The following DENND4A variants were observed in gnomAD, a reference collection of about 807,000 sequenced individuals.
DENND4A encodes C-myc promoter-binding protein.
A neutral mutation model predicts 199.3 loss-of-function variants in DENND4A; 70 were observed. The observed-to-expected ratio is 0.35, with a 90% CI of 0.29 to 0.43. The LOEUF (loss-of-function observed/expected upper bound fraction) is 0.43, where lower values mean the gene tolerates loss of function less well. DENND4A is among the 20% of genes least tolerant of loss of function. The pLI, the probability that DENND4A is intolerant of heterozygous loss-of-function variation, is 1.00. For missense variants in DENND4A, 1,723 were observed against 2,255.8 expected (o/e 0.76, Z 4.78); for synonymous variants, 686 against 766.9 (o/e 0.89, Z 1.74).
At chr15:65,765,364 C>T (rs1168868437) in intron 1 of DENND4A, among the ~76,000 whole-genome samples, 2 of 152,164 alleles carry the variant, frequency 1.3e-5, no homozygotes, top group Non-Finnish European at 2.9e-5. Flanking sequence ...CTTCCTGCAG[C>T]TACATGTGCT....
chr15:65,668,282 C>T (rs895127486), intron 27 of DENND4A, among the ~76,000 whole-genome samples, 159 bp from the exon 28 acceptor site: 3 of 151,328 alleles, frequency 2.0e-5, no homozygotes, highest in African/African-American at 4.9e-5. Context: ...GATCTCAGCT[C>T]ACTGCAACTT....
chr15:65,726,085 T>C (rs1172546526), intron 11 of DENND4A: 1 of 152,162 alleles, frequency 6.6e-6, no homozygotes, highest in African/African-American at 2.4e-5. Flanking sequence ...AGAAAAGAGC[T>C]CAGACCTCAG....
chr15:65,760,995 TAAGTA>T (rs898431040), intron 2 of DENND4A, among the ~76,000 whole-genome samples: 8 of 152,234 alleles, frequency 5.3e-5, no homozygotes, highest in Non-Finnish European at 7.3e-5. Flanking sequence ...CTAGCTATTA[TAAGTA>T]AATATTTGAG....
intron 23 of DENND4A, among the ~76,000 whole-genome samples, chr15:65,688,778 T>C (rs148907424): frequency 3.9e-4 from 59 of 152,346 alleles, no homozygotes; most frequent in Non-Finnish European, 7.5e-4. Flanking sequence ...GGGGCAAAGA[T>C]GCATGAGGAA....
At chr15:65,780,196 T>C (rs1232344118) in intron 1 of DENND4A, among the ~76,000 whole-genome samples, 1 of 152,190 alleles carries the variant, frequency 6.6e-6, no homozygotes, top group Non-Finnish European at 1.5e-5. Context: ...ACCACCCCGC[T>C]AGGCCCATTC....
At chr15:65,768,063 G>T (rs973953838) in intron 1 of DENND4A, among the ~76,000 whole-genome samples, 1 of 152,182 alleles carries the variant, frequency 6.6e-6, no homozygotes, top group South Asian at 2.1e-4. Context: ...AATCAGTGTG[G>T]AGTGTAGTGG....
intron 23 of DENND4A, among the ~76,000 whole-genome samples, chr15:65,690,059 C>A (rs944369018): frequency 1.3e-5 from 2 of 152,148 alleles, no homozygotes; most frequent in African/African-American, 4.8e-5. Flanking sequence ...ACCAGAAGGG[C>A]AAATCATATG....
intron 13 of DENND4A, among the ~76,000 whole-genome samples, chr15:65,716,708 G>A (rs548587865): frequency 9.9e-5 from 15 of 151,772 alleles, no homozygotes; most frequent in African/African-American, 3.6e-4. Flanking sequence ...ATAAACATAC[G>A]TGTGCATGTG....
At chr15:65,700,351 T>C (rs774932568) in intron 20 of DENND4A, among the ~76,000 whole-genome samples, 193 bp downstream of exon 20, 1 of 152,116 alleles carries the variant, frequency 6.6e-6, no homozygotes, top group Non-Finnish European at 1.5e-5. Flanking sequence ...TTAAAACTTT[T>C]ATTTCTATTC....
At chr15:65,686,097 T>G (rs2142025132) in intron 23 of DENND4A, among the ~76,000 whole-genome samples, 1 of 152,338 alleles carries the variant, frequency 6.6e-6, no homozygotes, top group South Asian at 2.1e-4. Context: ...TTGATATACA[T>G]TTAGATGCCA....
At chr15:65,698,811 C>G (rs1031076713) in intron 20 of DENND4A, among the ~76,000 whole-genome samples, 1 of 137,368 alleles carries the variant, frequency 7.3e-6, no homozygotes, top group Non-Finnish European at 1.5e-5. Flanking sequence ...GATCTTGGCT[C>G]ACTGCAACCT....
At chr15:65,672,869 A>AT (rs71447853) in intron 24 of DENND4A, among the ~76,000 whole-genome samples, 81,634 of 146,248 alleles carry the variant, frequency 0.56, 24,828 homozygotes, top group African/African-American at 0.82. Flanking sequence ...GAGTACTGGT[A>AT]TTTTTTTTTT....
rs2075816443 is a variant in DENND4A at position 65,660,426 on chromosome 15, C to T, written c.*1425G>A. ...TGTCGTGGACTCTACTGGCTTTATACACCTAATTTGGGACTATCCATTTTT... is the reference window on the plus strand; with the variant it reads ...TGTCGTGGACTCTACTGGCTTTATATACCTAATTTGGGACTATCCATTTTT... On this transcript the variant is annotated 3_prime_UTR_variant, in exon 33 of 33. Transcript: ENST00000443035. 1 of 801,948 alleles carries T rather than the reference C, an allele frequency of 1.2e-6. No individual in the cohort carries two copies. Among genetic ancestry groups the T allele is most frequent in the Non-Finnish European group, 2.0e-6 (1 of 508,694 alleles). 49.7% of individuals were successfully genotyped at this position (801,948 alleles called of 1,614,324 possible). A position where few individuals can be genotyped will look rare whatever the true frequency, so the allele number is the denominator to read the frequency against.
At chr15:65,742,688 C>T (rs1287836107) in intron 4 of DENND4A, among the ~76,000 whole-genome samples, 1 of 152,216 alleles carries the variant, frequency 6.6e-6, no homozygotes, top group Non-Finnish European at 1.5e-5. Context: ...ATCTGTCCGC[C>T]TCGGCCTCCC....
chr15:65,767,092 T>C (rs528672290), intron 1 of DENND4A, among the ~76,000 whole-genome samples: 57 of 152,334 alleles, frequency 3.7e-4, no homozygotes, highest in African/African-American at 1.3e-3. Flanking sequence ...TTCTCTCACA[T>C]GCATAGCAGT....
At chr15:65,787,926 T>C (rs1232175214) in intron 1 of DENND4A, among the ~76,000 whole-genome samples, 3 of 152,062 alleles carry the variant, frequency 2.0e-5, no homozygotes, top group Middle Eastern at 3.2e-3. Flanking sequence ...AATGGGGAAA[T>C]GACTAAGCAG....
chr15:65,678,620 T>A (rs1458932762), intron 23 of DENND4A, among the ~76,000 whole-genome samples: 1 of 152,224 alleles, frequency 6.6e-6, no homozygotes, highest in Non-Finnish European at 1.5e-5. Context: ...GTTCAAACAG[T>A]TTTTCAGTGG....
At chr15:65,709,719 A>AAAAAAAAAAAAAAAATATAT (rs1218030026) in intron 14 of DENND4A, among the ~76,000 whole-genome samples, 1 of 51,470 alleles carries the variant, frequency 1.9e-5, no homozygotes, top group East Asian at 1.9e-3. Flanking sequence ...AAAAAAAAAA[A>AAAAAAAAAAAAAAAATATAT]ATATATATAT....
chr15:65,747,482 C>T (rs2076432373), intron 4 of DENND4A, among the ~76,000 whole-genome samples: 1 of 152,138 alleles, frequency 6.6e-6, no homozygotes, highest in Admixed American at 6.5e-5. Flanking sequence ...GTCACACAGC[C>T]AGTAATGGTC....
Sources: allele counts gnomAD v4.1 joint callset (sites outside exome capture counted in the v4.1 genomes callset), GRCh38; gene constraint gnomAD v4.1.1; transcripts MANE v1.5; gene names NCBI Gene and HGNC (gene_info 2026-07-23, HGNC 2026-07-21).